SPRR2F: variants seen among roughly 807,000 people sequenced by gnomAD.
SPRR2F encodes small proline rich protein 2F, also known as small proline-rich protein 2F.
SPRR2F carries 2 observed loss-of-function variants against 0.8 expected under a neutral mutation model. That is an observed-to-expected ratio of 2.52 (90% CI 1.03 to 7.95). SPRR2F has a LOEUF of 7.95. SPRR2F is among the 30% of genes most tolerant of loss of function. The pLI is 0.04. For missense variants in SPRR2F, 80 were observed against 85.8 expected, an observed-to-expected ratio of 0.93 and a Z score of 0.27; for synonymous variants, 39 against 33.4, an observed-to-expected ratio of 1.17 and a Z score of -0.58.
rs2101631237 is a variant in SPRR2F at position 153,112,750 on chromosome 1, A to G, written c.-17T>C. On this transcript the variant is annotated splice_region_variant and 5_prime_UTR_variant, in exon 2 of 2. Transcript: ENST00000468739. ...ATAAGACATCCTGCTGGAGTCTCAG[A>G]ATCTGAAAGAAATTATATGACAGTG... 3.1e-6 allele frequency: 5 copies of G among 1,611,142 alleles called. No homozygotes were observed. The highest frequency in any genetic ancestry group is 2.2e-5 in the East Asian group (1 of 44,880).
chr1:153,114,789 T>C (rs200736009), upstream of SPRR2F, among the ~76,000 whole-genome samples: 3 of 152,190 alleles, frequency 2.0e-5, no homozygotes, highest in East Asian at 5.8e-4. Flanking sequence ...AACATATATA[T>C]TGTCAATGCA....
upstream of SPRR2F, among the ~76,000 whole-genome samples, chr1:153,116,508 A>G (rs1314473325): frequency 6.6e-6 from 1 of 152,172 alleles, no homozygotes; most frequent in African/African-American, 2.4e-5. Context: ...CCATAGCTCA[A>G]TTAGTGAGAT....
At chr1:153,117,383 T>C (rs1655738840), upstream of SPRR2F, among the ~76,000 whole-genome samples, 1 of 152,082 alleles carries the variant, frequency 6.6e-6, no homozygotes, top group Non-Finnish European at 1.5e-5. Flanking sequence ...ATATGTTAAC[T>C]GTGTTAGTTT....
At chr1:153,117,465 C>T (rs888799554), upstream of SPRR2F, among the ~76,000 whole-genome samples, 6 of 152,084 alleles carry the variant, frequency 3.9e-5, no homozygotes, top group East Asian at 1.2e-3. Context: ...ATCTAGTTTA[C>T]TATTACTATG....
chr1:153,112,799 A>T, intron 1 of SPRR2F, 47 bp from the exon 2 acceptor site: 1 of 1,606,204 alleles, frequency 6.2e-7, no homozygotes, highest in Non-Finnish European at 8.5e-7. Context: ...AATCCTCCAG[A>T]GAGAGAAGCC....
At chr1:153,114,210 C>G (rs1655672800), upstream of SPRR2F, among the ~76,000 whole-genome samples, 1 of 151,794 alleles carries the variant, frequency 6.6e-6, no homozygotes, top group African/African-American at 2.4e-5. Flanking sequence ...TTACGATTTT[C>G]CTTTCCTCTT....
chr1:153,113,992 ATTTTTTTTTTTTTTTTTT>A (rs1171281660), upstream of SPRR2F, among the ~76,000 whole-genome samples: 1 of 78,728 alleles, frequency 1.3e-5, no homozygotes, highest in South Asian at 4.3e-4. Flanking sequence ...CTGGTCCCAG[ATTTTTTTTTTTTTTTTTT>A]TTTTTTTTTT....
chr1:153,113,921 T>A (rs1321301527), upstream of SPRR2F, among the ~76,000 whole-genome samples: 1 of 151,642 alleles, frequency 6.6e-6, no homozygotes, highest in Non-Finnish European at 1.5e-5. Flanking sequence ...CCACCTCTAC[T>A]TTCCTTGTAC....
chr1:153,117,916 G>A (rs1030891210), upstream of SPRR2F, among the ~76,000 whole-genome samples: 1 of 152,010 alleles, frequency 6.6e-6, no homozygotes, highest in Non-Finnish European at 1.5e-5. Context: ...CTCTAACATA[G>A]AAGAGGGCTG....
upstream of SPRR2F, among the ~76,000 whole-genome samples, chr1:153,113,883 T>A (rs1655658518): frequency 6.6e-6 from 1 of 151,928 alleles, no homozygotes; most frequent in Admixed American, 6.6e-5. Context: ...CTTTACTGAA[T>A]GCCATATTGT....
At chr1:153,113,833 T>C (rs987967335), upstream of SPRR2F, among the ~76,000 whole-genome samples, 3 of 151,970 alleles carry the variant, frequency 2.0e-5, no homozygotes, top group South Asian at 6.2e-4. Context: ...TTTCCTGTCT[T>C]ACACCTTCCC....
chr1:153,114,396 T>A (rs994840890), upstream of SPRR2F, among the ~76,000 whole-genome samples: 1 of 152,166 alleles, frequency 6.6e-6, no homozygotes, highest in African/African-American at 2.4e-5. Flanking sequence ...CGGAGAGACA[T>A]GAAACAAAAT....
intron 1 of SPRR2F, among the ~76,000 whole-genome samples, chr1:153,113,212 A>G (rs968808464): frequency 6.6e-6 from 1 of 152,210 alleles, no homozygotes; most frequent in Non-Finnish European, 1.5e-5. Flanking sequence ...AAAGCAGAGA[A>G]AAAAAGAAAA....
chr1:153,112,479 C>T lies in SPRR2F; in HGVS notation c.*36G>A. On this transcript the variant is annotated 3_prime_UTR_variant, in exon 2 of 2. Coordinates refer to ENST00000468739, the MANE Select transcript of SPRR2F (RefSeq NM_001014450.3). ...TGTGGAACGAGGTGAGCCAATTATC[C>T]TTATCCTTTCATGCTCCTGATGAAT... is the stretch of plus-strand genomic sequence containing the variant. The T allele has an allele frequency of 6.3e-7, 1 of 1,594,504 alleles. No individual in the cohort carries two copies. Among genetic ancestry groups the T allele is most frequent in the Non-Finnish European group, 8.5e-7 (1 of 1,171,192 alleles).
upstream of SPRR2F, among the ~76,000 whole-genome samples, chr1:153,116,978 T>C (rs1451188413): frequency 1.3e-5 from 2 of 152,130 alleles, no homozygotes; most frequent in Non-Finnish European, 1.5e-5. Flanking sequence ...TAGTACATTA[T>C]GTACTTAGAC....
chr1:153,117,737 G>C (rs777352312), upstream of SPRR2F, among the ~76,000 whole-genome samples: 1 of 151,918 alleles, frequency 6.6e-6, no homozygotes, highest in Non-Finnish European at 1.5e-5. Context: ...TAAAAACATG[G>C]GCTAAGAAAT....
At chr1:153,113,045 G>A (rs1243095610) in intron 1 of SPRR2F, among the ~76,000 whole-genome samples, 1 of 152,074 alleles carries the variant, frequency 6.6e-6, no homozygotes, top group Admixed American at 6.5e-5. Context: ...GCAGTCACAA[G>A]TTCAGATACC....
chr1:153,118,031 CCAT>C (rs1345772755), upstream of SPRR2F, among the ~76,000 whole-genome samples: 2 of 152,046 alleles, frequency 1.3e-5, no homozygotes, highest in African/African-American at 4.8e-5. Flanking sequence ...ACCATAGCAT[CCAT>C]CATCATGACT....
upstream of SPRR2F, among the ~76,000 whole-genome samples, chr1:153,116,343 A>G (rs7532449): frequency 0.052 from 7,980 of 152,288 alleles, 648 homozygotes; most frequent in East Asian, 0.36. Context: ...AGAAATACCT[A>G]AAACATTTTA....
Sources: allele counts gnomAD v4.1 joint callset (sites outside exome capture counted in the v4.1 genomes callset), GRCh38; gene constraint gnomAD v4.1.1; transcripts MANE v1.5; gene names NCBI Gene and HGNC (gene_info 2026-07-23, HGNC 2026-07-21).